The following MMRN1 variants were observed in gnomAD, a reference collection of about 807,000 sequenced individuals.
MMRN1 encodes multimerin 1.
In MMRN1, 94 loss-of-function variants were observed where a neutral mutation model predicts 100.7. The ratio of observed to expected loss-of-function variants is 0.93; its 90% CI spans 0.79 to 1.11. The LOEUF (loss-of-function observed/expected upper bound fraction) is 1.11, where lower values mean the gene tolerates loss of function less well. MMRN1 is among the 50% of genes least tolerant of loss of function. The pLI is 0.00. For missense variants in MMRN1, 1,606 were observed against 1,439.1 expected, an observed-to-expected ratio of 1.12 and a Z score of -1.88; for synonymous variants, 575 against 505.0, an observed-to-expected ratio of 1.14 and a Z score of -1.86.
chr4:89,902,765 A>G (rs1370811281), intron 1 of MMRN1, among the ~76,000 whole-genome samples: 1 of 152,046 alleles, frequency 6.6e-6, no homozygotes, highest in Non-Finnish European at 1.5e-5. Context: ...TAAATTAACC[A>G]TAAATCAAAG....
At chr4:89,945,197 A>T (rs4694020) in intron 6 of MMRN1, among the ~76,000 whole-genome samples, 5,050 of 152,182 alleles carry the variant, frequency 0.033, 113 homozygotes, top group Non-Finnish European at 0.045. Flanking sequence ...ATTTTTATTC[A>T]TAAGTAGTGT....
intron 1 of MMRN1, among the ~76,000 whole-genome samples, chr4:89,898,965 A>G (rs961104534): frequency 1.3e-5 from 2 of 152,162 alleles, no homozygotes; most frequent in Admixed American, 6.6e-5. Flanking sequence ...ATATTTAATC[A>G]TACTGAATGT....
chr4:89,937,642 T>A (rs1385879351), intron 6 of MMRN1, among the ~76,000 whole-genome samples: 1 of 151,972 alleles, frequency 6.6e-6, no homozygotes, highest in Non-Finnish European at 1.5e-5. Flanking sequence ...TTTTAAGTGA[T>A]GAGATTGCAG....
At chr4:89,882,718 A>G (rs745915310) in intron 1 of MMRN1, among the ~76,000 whole-genome samples, 1 of 151,964 alleles carries the variant, frequency 6.6e-6, no homozygotes, top group Non-Finnish European at 1.5e-5. Flanking sequence ...AACATTCTTT[A>G]TTACATTTTC....
intron 1 of MMRN1, among the ~76,000 whole-genome samples, chr4:89,901,562 A>G (rs1169346760): frequency 6.6e-6 from 1 of 152,050 alleles, no homozygotes; most frequent in African/African-American, 2.4e-5. Flanking sequence ...CAAAGTTATT[A>G]TTAGGCCTAA....
intron 2 of MMRN1, among the ~76,000 whole-genome samples, chr4:89,909,783 C>G (rs1721689812): frequency 6.6e-6 from 1 of 151,384 alleles, no homozygotes; most frequent in African/African-American, 2.4e-5. Flanking sequence ...CATGCTAGGT[C>G]AGAAAGAAGT....
At chr4:89,888,671 T>C (rs1403743291) in intron 1 of MMRN1, among the ~76,000 whole-genome samples, 2 of 152,108 alleles carry the variant, frequency 1.3e-5, no homozygotes, top group South Asian at 2.1e-4. Flanking sequence ...TAATCTCTTC[T>C]GACCTATTTT....
rs548463415 is a variant in MMRN1, at chr4:89,904,528, A to G, written c.624-4748A>G. On this transcript the variant is annotated intron_variant, in intron 1 of 7. Transcript: ENST00000264790. ...CACTTAAGTACATCATATAAGTGAA[A>G]CTGTACAATATTTGTCCTTTTGTGT... is the stretch of plus-strand genomic sequence containing the variant. Among the ~76,000 whole-genome samples the G allele has an allele frequency of 2.1e-4, 32 of 151,868 alleles. No individual in the cohort carries two copies. In the South Asian group the frequency reaches 6.6e-3, roughly 31 times the overall value.
At position 89,953,798 on chromosome 4, in the gene MMRN1, A is replaced by T. The variant is rs149637826; in HGVS notation, c.*380A>T. On this transcript the variant is annotated 3_prime_UTR_variant, in exon 8 of 8. Coordinates refer to ENST00000264790, the MANE Select transcript of MMRN1 (RefSeq NM_007351.3). ...ACACTTAACTTTTGTTATTCCCTGT[A>T]TATAAATATATAACACACATTTTCT... 1,020 of 155,750 alleles carry T rather than the reference A, an allele frequency of 6.5e-3. 8 individuals carry two copies. Among genetic ancestry groups the T allele is most frequent in the African/African-American group, 0.022 (897 of 41,690 alleles). 9.6% of individuals were successfully genotyped at this position (155,750 alleles called of 1,614,324 possible). A position where few individuals can be genotyped will look rare whatever the true frequency, so the allele number is the denominator to read the frequency against.
Position 89,911,940 on chromosome 4 carries a change from C to A in MMRN1, c.744-4C>A. 1 of 1,557,848 alleles carries A rather than the reference C, an allele frequency of 6.4e-7. No individual in the cohort carries two copies. ...GATTTCCCTCCAATTGCTCAACTCT[C>A]TAGATCTCAGAAGATATCCAATCCT... On this transcript the variant is annotated splice_region_variant and splice_polypyrimidine_tract_variant and intron_variant, in intron 2 of 7. Transcript: ENST00000264790.
chr4:89,885,346 C>T (rs1266811250), intron 1 of MMRN1, among the ~76,000 whole-genome samples: 1 of 151,846 alleles, frequency 6.6e-6, no homozygotes, highest in Non-Finnish European at 1.5e-5. Flanking sequence ...AATACTTTTC[C>T]TTTTATGTCA....
intron 3 of MMRN1, among the ~76,000 whole-genome samples, chr4:89,918,683 C>T (rs547238991): frequency 2.0e-5 from 3 of 151,880 alleles, no homozygotes; most frequent in Non-Finnish European, 4.4e-5. Context: ...TATTTGAATA[C>T]AGTAGCTTAT....
intron 5 of MMRN1, 135 bp downstream of exon 5, chr4:89,928,103 G>A: frequency 3.2e-6 from 2 of 616,982 alleles, no homozygotes; most frequent in South Asian, 2.7e-5. Flanking sequence ...TTTTTTTAAT[G>A]AGATATAAAT....
At chr4:89,913,029 A>C in intron 3 of MMRN1, among the ~76,000 whole-genome samples, 1 of 151,416 alleles carries the variant, frequency 6.6e-6, no homozygotes, top group African/African-American at 2.4e-5. Flanking sequence ...TTCATTTATA[A>C]CCAGGTAAAA....
chr4:89,941,922 A>T (rs766375619), intron 6 of MMRN1, among the ~76,000 whole-genome samples: 1 of 152,070 alleles, frequency 6.6e-6, no homozygotes. Context: ...AGAAGAACAG[A>T]CTCCCCCAGA....
rs770319977 is a variant in MMRN1, at chr4:89,909,386, G to A, written c.734G>A (p.Cys245Tyr). Residue 245 changes from cysteine to tyrosine, a missense_variant, in exon 2 of 8, where the codon TGT (cysteine) becomes TAT (tyrosine). Coordinates refer to ENST00000264790, the MANE Select transcript of MMRN1 (RefSeq NM_007351.3). The part of the protein sequence containing the change: ...KGPCGWTGGS[C>Y]PQRSQKISNP... ...CCTTGTGGCTGGACCGGTGGATCCT[G>A]TCCTCAGAGGTATGTAATATTTCTT... 3.7e-6 allele frequency: 6 copies of A among 1,608,646 alleles called. No individual in the cohort carries two copies. In the Admixed American group the frequency reaches 8.4e-5, roughly 23 times the overall value.
Position 89,895,003 on chromosome 4 carries a change from C to G in MMRN1, c.32C>G (p.Ser11Cys), listed in dbSNP as rs777492172. The G allele has an allele frequency of 8.1e-6, 13 of 1,612,514 alleles. No homozygotes were observed. The highest frequency in any genetic ancestry group is 1.3e-5 in the African/African-American group (1 of 74,820). The change falls in exon 1 of 8, where the codon TCT becomes TGT. Residue 11 changes from serine to cysteine, a missense_variant. Transcript: ENST00000264790. ...GGGGCAAGATTATTTGTCCTTCTTT[C>G]TAGTTTATGGAGTGGGGGCATTGGG... is the stretch of plus-strand genomic sequence containing the variant. Reference protein sequence around the residue: MKGARLFVLLSSLWSGGIGLN... With the variant: MKGARLFVLLCSLWSGGIGLN...
At chr4:89,952,396 C>T (rs923268176) in intron 7 of MMRN1, among the ~76,000 whole-genome samples, 1 of 152,126 alleles carries the variant, frequency 6.6e-6, no homozygotes, top group African/African-American at 2.4e-5. Flanking sequence ...AAACCTATTT[C>T]AAATCAGCTT....
chr4:89,887,983 A>G (rs1430425135), intron 1 of MMRN1, among the ~76,000 whole-genome samples: 3 of 151,974 alleles, frequency 2.0e-5, no homozygotes, highest in African/African-American at 7.2e-5. Flanking sequence ...ATGTTGAACC[A>G]TATGAAATTG....
Sources: gnomAD v4.1 joint callset for allele counts (sites outside exome capture counted in the v4.1 genomes callset) on GRCh38, gnomAD v4.1.1 for gene constraint, MANE v1.5 for transcripts, NCBI Gene and HGNC (gene_info 2026-07-23, HGNC 2026-07-21) for gene names.